The following C1orf159 variants were observed in gnomAD, a reference collection of about 807,000 sequenced individuals.
The protein encoded by C1orf159 is uncharacterized protein C1orf159.
A neutral mutation model predicts 25.6 loss-of-function variants in C1orf159; 19 were observed. The observed-to-expected ratio is 0.74, with a 90% CI of 0.52 to 1.09. C1orf159 has a LOEUF of 1.09. Ranked by LOEUF, C1orf159 falls within the 50% of genes least tolerant of loss-of-function variation. The pLI, the probability that C1orf159 is intolerant of heterozygous loss-of-function variation, is 0.00. For missense variants in C1orf159, 274 were observed against 290.6 expected, an observed-to-expected ratio of 0.94 and a Z score of 0.42; for synonymous variants, 139 against 124.7, an observed-to-expected ratio of 1.12 and a Z score of -0.77.
intron 1 of C1orf159, among the ~76,000 whole-genome samples, chr1:1,115,494 G>T: frequency 8.5e-6 from 1 of 117,242 alleles, no homozygotes; most frequent in African/African-American, 3.3e-5. Context: ...CCTCCCCAGG[G>T]ACCCCCTCCC....
intron 1 of C1orf159, among the ~76,000 whole-genome samples, chr1:1,113,904 C>T (rs569759974): frequency 6.6e-6 from 1 of 151,052 alleles, no homozygotes; most frequent in Admixed American, 6.6e-5. Context: ...GCGCACGCTC[C>T]CTCGAGGCCT....
At chr1:1,092,989 G>A (rs1425411449) in intron 1 of C1orf159, among the ~76,000 whole-genome samples, 5 of 152,052 alleles carry the variant, frequency 3.3e-5, no homozygotes. Flanking sequence ...GGTGGAGGCT[G>A]CAGTGAACGG....
chr1:1,099,474 C>G (rs12757789), intron 1 of C1orf159, among the ~76,000 whole-genome samples: 1,375 of 101,100 alleles, frequency 0.014, 14 homozygotes, highest in African/African-American at 0.036. Flanking sequence ...CTAAGAATTG[C>G]AGAGAGAGAG....
chr1:1,091,441 G>C (rs1645933051), intron 3 of C1orf159, 31 bp downstream of exon 3: 2 of 1,543,328 alleles, frequency 1.3e-6, no homozygotes, highest in African/African-American at 2.7e-5. Flanking sequence ...CTCTGGCTTA[G>C]GCCGCGTGGA....
intron 1 of C1orf159, chr1:1,092,540 G>A: frequency 6.5e-6 from 1 of 153,164 alleles, no homozygotes; most frequent in Non-Finnish European, 1.5e-5. Context: ...CACTGCACTG[G>A]CTCAGGGGCC....
At chr1:1,111,751 G>A (rs1238743036) in intron 1 of C1orf159, among the ~76,000 whole-genome samples, 1 of 152,128 alleles carries the variant, frequency 6.6e-6, no homozygotes, top group Admixed American at 6.5e-5. Flanking sequence ...TCACGCTGCT[G>A]AACCTCGGTA....
intron 1 of C1orf159, among the ~76,000 whole-genome samples, chr1:1,100,651 G>GT (rs1285937566): frequency 1.3e-5 from 2 of 152,136 alleles, no homozygotes; most frequent in African/African-American, 4.8e-5. Context: ...TTGTCCCTGT[G>GT]TTTTTTGTTC....
chr1:1,110,039 G>A lies in C1orf159; in HGVS notation c.-136+6021C>T, dbSNP rs943686639. On this transcript the variant is annotated intron_variant, in intron 1 of 9. Coordinates refer to ENST00000421241, the MANE Select transcript of C1orf159 (RefSeq NM_017891.5). The surrounding 1 kb of genome is among the most constrained non-coding windows in gnomAD (Gnocchi z 4.8). ...GCCAGTGCCTGCTTAACTGCTAGAG[G>A]AAAAGAAAACCCAAGCCTTATTCTT... Among the ~76,000 whole-genome samples the A allele has an allele frequency of 6.6e-6, 1 of 152,226 alleles. No homozygotes were observed. The highest frequency in any genetic ancestry group is 2.4e-5 in the African/African-American group (1 of 41,450).
intron 1 of C1orf159, among the ~76,000 whole-genome samples, chr1:1,107,743 G>C (rs999328657): frequency 2.0e-5 from 3 of 152,106 alleles, no homozygotes; most frequent in African/African-American, 4.8e-5. Context: ...AACCCACTCG[G>C]GTCCCCTTCC....
Position 1,087,199 on chromosome 1 carries a change from C to T in C1orf159, c.250G>A (p.Gly84Ser), listed in dbSNP as rs1262586351. 3 of 1,607,054 alleles carry T rather than the reference C, an allele frequency of 1.9e-6. No individual in the cohort carries two copies. ...TTCATGGGGAATGGCGCACCCGGGC[C>T]AGCAACTGTGGGATAGCAGAACTGT... is the stretch of plus-strand genomic sequence containing the variant. ...YNGSECRSFAGPGAPFPMNRS... is the reference protein window; with the variant it reads ...YNGSECRSFASPGAPFPMNRS... Residue 84 changes from glycine (G) to serine (S), a missense_variant, in exon 6 of 10, where the codon GGC (glycine) becomes AGC (serine). By Grantham distance (56) the Gly-to-Ser change is moderately conservative. Coordinates refer to ENST00000421241, the MANE Select transcript of C1orf159 (RefSeq NM_017891.5). The surrounding 1 kb of genome is among the most constrained non-coding windows in gnomAD (Gnocchi z 8.3).
chr1:1,091,914 A>C, intron 2 of C1orf159, 77 bp downstream of exon 2: 1 of 449,846 alleles, frequency 2.2e-6, no homozygotes, highest in Non-Finnish European at 4.4e-6. Flanking sequence ...GGTGGAGCCA[A>C]ATGGAGGTGG....
In C1orf159 at chr1:1,084,494, T is replaced by C. The variant is rs1004196824; in HGVS notation, c.458A>G (p.Gln153Arg). Residue 153 changes from glutamine to arginine, a missense_variant, in exon 8 of 10, where the codon CAG (glutamine) becomes CGG (arginine). Transcript: ENST00000421241. Reference protein sequence around the residue: ...CYRRNKAPALQPGEAAAMIPP... With the variant: ...CYRRNKAPALRPGEAAAMIPP... ...TGGGTTACTTACGGCTTCGCCAGGCTGCAGGGCCGGAGCTGTGGGGGAGAA... is the reference window on the plus strand; with the variant it reads ...TGGGTTACTTACGGCTTCGCCAGGCCGCAGGGCCGGAGCTGTGGGGGAGAA... 3 of 1,555,882 alleles carry C rather than the reference T, an allele frequency of 1.9e-6. No homozygotes were observed. In the African/African-American group the frequency reaches 4.1e-5, roughly 21 times the overall value.
intron 1 of C1orf159, among the ~76,000 whole-genome samples, chr1:1,115,324 G>A (rs1485896136): frequency 6.6e-6 from 1 of 152,156 alleles, no homozygotes; most frequent in Non-Finnish European, 1.5e-5. Context: ...TACTCCAGGT[G>A]ACAAACGGAC....
Position 1,085,937 on chromosome 1 carries a change from C to A in C1orf159, c.386G>T (p.Gly129Val), listed in dbSNP as rs752893679. Reference protein sequence around the residue: ...ISSGLILSVAGFFYLKRSSKL... With the variant: ...ISSGLILSVAVFFYLKRSSKL... Reference sequence around the variant, plus strand: ...ACTGGAGCGCTTGAGGTAGAAGAACCCAGCTACGGAGAGGATGAGGCCGGA... The same window carrying A: ...ACTGGAGCGCTTGAGGTAGAAGAACACAGCTACGGAGAGGATGAGGCCGGA... Residue 129 changes from glycine to valine, a missense_variant, in exon 7 of 10, where the codon GGG becomes GTG. By Grantham distance (109) the Gly-to-Val change is moderately radical (BLOSUM62 -3). Coordinates refer to ENST00000421241, the MANE Select transcript of C1orf159 (RefSeq NM_017891.5). 6.2e-7 allele frequency: 1 copy of A among 1,613,410 alleles called. No homozygotes were observed. The highest frequency in any genetic ancestry group is 1.1e-5 in the South Asian group (1 of 91,074).
chr1:1,099,515 T>C (rs922691612), intron 1 of C1orf159, among the ~76,000 whole-genome samples: 1 of 149,402 alleles, frequency 6.7e-6, no homozygotes, highest in Non-Finnish European at 1.5e-5. Flanking sequence ...TTGTGTATTG[T>C]CTATTGATGT....
At chr1:1,086,265 G>A (rs1327678952) in intron 6 of C1orf159, among the ~76,000 whole-genome samples, 2 of 152,264 alleles carry the variant, frequency 1.3e-5, no homozygotes, top group Non-Finnish European at 2.9e-5. Context: ...TCAGGAGCTC[G>A]GATGTTGGGA....
chr1:1,099,474 C>CAG (rs111546665), intron 1 of C1orf159, among the ~76,000 whole-genome samples: 12,365 of 100,334 alleles, frequency 0.12, 1,850 homozygotes, highest in African/African-American at 0.32. Context: ...CTAAGAATTG[C>CAG]AGAGAGAGAG....
chr1:1,113,764 C>T (rs1646294573), intron 1 of C1orf159, among the ~76,000 whole-genome samples: 2 of 152,318 alleles, frequency 1.3e-5, no homozygotes, highest in Middle Eastern at 3.4e-3. Flanking sequence ...TGACCTTTGA[C>T]TTAGGGTCTT....
At chr1:1,100,350 G>C (rs777394897) in intron 1 of C1orf159, among the ~76,000 whole-genome samples, 8 of 151,824 alleles carry the variant, frequency 5.3e-5, no homozygotes, top group Non-Finnish European at 1.2e-4. Flanking sequence ...GTATACACAC[G>C]CTGCCCTTTA....
Sources: gnomAD v4.1 joint callset for allele counts (sites outside exome capture counted in the v4.1 genomes callset) on GRCh38, gnomAD v4.1.1 for gene constraint, Gnocchi (gnomAD v3.1) non-coding constraint, MANE v1.5 for transcripts, NCBI Gene and HGNC (gene_info 2026-07-23, HGNC 2026-07-21) for gene names.